The following SGCZ variants were observed in gnomAD, a reference collection of about 807,000 sequenced individuals.
SGCZ encodes the protein zeta-sarcoglycan.
A neutral mutation model predicts 41.3 loss-of-function variants in SGCZ; 40 were observed. The observed-to-expected ratio is 0.97, with a 90% CI of 0.75 to 1.26. The LOEUF (loss-of-function observed/expected upper bound fraction) is 1.26, where lower values mean the gene tolerates loss of function less well. Ranked by LOEUF, SGCZ falls within the 50% of genes most tolerant of loss-of-function variation. The pLI, the probability that SGCZ is intolerant of heterozygous loss-of-function variation, is 0.00. For missense variants in SGCZ, 552 were observed against 369.8 expected, an observed-to-expected ratio of 1.49 and a Z score of -4.04; for synonymous variants, 206 against 137.5, an observed-to-expected ratio of 1.50 and a Z score of -3.49.
At chr8:14,119,437 C>T (rs1802624920) in intron 5 of SGCZ, among the ~76,000 whole-genome samples, 1 of 152,142 alleles carries the variant, frequency 6.6e-6, no homozygotes, top group East Asian at 1.9e-4. Flanking sequence ...CCTGATTTTG[C>T]TTATGAGCTT....
intron 3 of SGCZ, among the ~76,000 whole-genome samples, chr8:14,280,930 C>T (rs538135968): frequency 1.8e-5 from 2 of 112,352 alleles, no homozygotes; most frequent in African/African-American, 6.7e-5. Flanking sequence ...ATCAAACTAC[C>T]GGGTGAATAA....
intron 1 of SGCZ, among the ~76,000 whole-genome samples, chr8:14,606,552 C>G (rs1233527713): frequency 6.6e-6 from 1 of 152,156 alleles, no homozygotes; most frequent in Admixed American, 6.5e-5. Flanking sequence ...CTATATCAAC[C>G]AAATCAGTCC....
chr8:14,684,902 TA>T (rs2117552139), intron 1 of SGCZ, among the ~76,000 whole-genome samples: 1 of 152,264 alleles, frequency 6.6e-6, no homozygotes, highest in South Asian at 2.1e-4. Flanking sequence ...GTGCAGGTCG[TA>T]ATTCCTGGTC....
At chr8:14,458,777 C>A (rs1800820166) in intron 2 of SGCZ, among the ~76,000 whole-genome samples, 2 of 152,046 alleles carry the variant, frequency 1.3e-5, no homozygotes. Context: ...AGCAATGATA[C>A]CCCAGAAGCA....
chr8:14,489,599 TA>T (rs1229454653), intron 2 of SGCZ, among the ~76,000 whole-genome samples: 27 of 151,900 alleles, frequency 1.8e-4, no homozygotes, highest in Non-Finnish European at 3.4e-4. Flanking sequence ...ACAGAGGTAC[TA>T]AAAAATAATG....
At chr8:14,887,578 C>CTATACA (rs766929300) in intron 1 of SGCZ, among the ~76,000 whole-genome samples, 2 of 152,006 alleles carry the variant, frequency 1.3e-5, no homozygotes, top group Non-Finnish European at 2.9e-5. Flanking sequence ...ACATACATAG[C>CTATACA]TATACATATA....
At chr8:14,836,068 AT>A (rs1442620911) in intron 1 of SGCZ, among the ~76,000 whole-genome samples, 6 of 152,060 alleles carry the variant, frequency 3.9e-5, no homozygotes, top group Non-Finnish European at 8.8e-5. Context: ...CTCTACCTTG[AT>A]TAACGTCATC....
chr8:14,470,321 C>T (rs1349049058), intron 2 of SGCZ, among the ~76,000 whole-genome samples: 1 of 152,086 alleles, frequency 6.6e-6, no homozygotes, highest in Non-Finnish European at 1.5e-5. Flanking sequence ...TTTATAATCT[C>T]CAGTGCCTGG....
rs572760305 is a variant in SGCZ at position 14,154,887 on chromosome 8, G to A, written c.547+9693C>T. Among the ~76,000 whole-genome samples the A allele has an allele frequency of 1.1e-4, 16 of 152,222 alleles. 1 individual carries two copies. The highest frequency in any genetic ancestry group is 3.1e-4 in the African/African-American group (13 of 41,540). ...CAACTATGATCAGCTTCCAGGCATG[G>A]GGGTGAGCCAGTCTTCAAATGATAC... On this transcript the variant is annotated intron_variant, in intron 5 of 7. Transcript: ENST00000382080.
intron 2 of SGCZ, among the ~76,000 whole-genome samples, chr8:14,343,788 C>A (rs866837361): frequency 2.6e-4 from 39 of 151,978 alleles, no homozygotes; most frequent in African/African-American, 8.7e-4. Flanking sequence ...CCTCTCTAAG[C>A]AAAGATAACA....
chr8:14,351,610 C>A (rs1803097233), intron 2 of SGCZ, among the ~76,000 whole-genome samples: 1 of 151,164 alleles, frequency 6.6e-6, no homozygotes, highest in Non-Finnish European at 1.5e-5. Context: ...TGACAAAATT[C>A]AAATAGAACA....
chr8:14,350,051 G>A (rs1035218680), intron 2 of SGCZ, among the ~76,000 whole-genome samples: 1 of 152,028 alleles, frequency 6.6e-6, no homozygotes, highest in East Asian at 1.9e-4. Context: ...AAAACTCTTT[G>A]GAAACTATTT....
At chr8:15,167,935 G>A (rs1255616990) in intron 1 of SGCZ, among the ~76,000 whole-genome samples, 1 of 152,066 alleles carries the variant, frequency 6.6e-6, no homozygotes, top group Non-Finnish European at 1.5e-5. Context: ...GAATAAATAG[G>A]GTGCCCATCA....
chr8:15,181,028 C>G (rs1800159823), intron 1 of SGCZ, among the ~76,000 whole-genome samples: 1 of 152,152 alleles, frequency 6.6e-6, no homozygotes, highest in Admixed American at 6.5e-5. Context: ...CTATTGCCAT[C>G]TTTCAATTAG....
chr8:15,168,310 AC>A (rs1039344505), intron 1 of SGCZ, among the ~76,000 whole-genome samples: 2 of 152,026 alleles, frequency 1.3e-5, no homozygotes, highest in African/African-American at 4.8e-5. Context: ...GATTAAGCCA[AC>A]CCCAGGCTTC....
chr8:14,501,825 T>C (rs1373302435), intron 2 of SGCZ, among the ~76,000 whole-genome samples: 6 of 152,066 alleles, frequency 3.9e-5, no homozygotes, highest in Admixed American at 3.9e-4. Context: ...TTATAACATA[T>C]AATAGGATGA....
chr8:14,798,086 G>A (rs1801197633), intron 1 of SGCZ, among the ~76,000 whole-genome samples: 1 of 152,202 alleles, frequency 6.6e-6, no homozygotes, highest in South Asian at 2.1e-4. Context: ...CTGGAACACA[G>A]CACAATTTAA....
At chr8:14,613,115 C>T (rs1805983657) in intron 1 of SGCZ, among the ~76,000 whole-genome samples, 1 of 152,200 alleles carries the variant, frequency 6.6e-6, no homozygotes, top group African/African-American at 2.4e-5. Flanking sequence ...CTGCCTGGCA[C>T]TCAGGGAGAG....
intron 1 of SGCZ, among the ~76,000 whole-genome samples, chr8:15,069,703 A>C (rs1009160955): frequency 6.6e-6 from 1 of 152,216 alleles, no homozygotes; most frequent in African/African-American, 2.4e-5. Context: ...TATTGTGATC[A>C]TCTTGGCATA....
Sources: allele counts gnomAD v4.1 joint callset (sites outside exome capture counted in the v4.1 genomes callset), GRCh38; gene constraint gnomAD v4.1.1; transcripts MANE v1.5; gene names NCBI Gene and HGNC (gene_info 2026-07-23, HGNC 2026-07-21).